Variants in LCA5 observed in about 807,000 individuals in gnomAD.
The protein encoded by LCA5 is lebercilin LCA5, also known as lebercilin.
LCA5 carries 37 observed loss-of-function variants against 53.0 expected under a neutral mutation model. That is an observed-to-expected ratio of 0.70 (90% CI 0.54 to 0.92). The LOEUF is 0.92. LCA5 is among the 40% of genes least tolerant of loss of function. The pLI, the probability that LCA5 is intolerant of heterozygous loss-of-function variation, is 0.00. For synonymous variants in LCA5, 303 were observed against 282.9 expected, an observed-to-expected ratio of 1.07 and a Z score of -0.71; for missense variants, 806 against 790.5, an observed-to-expected ratio of 1.02 and a Z score of -0.23.
intron 1 of LCA5, among the ~76,000 whole-genome samples, chr6:79,535,754 C>T (rs1279518720): frequency 6.6e-6 from 1 of 152,056 alleles, no homozygotes; most frequent in Non-Finnish European, 1.5e-5. Flanking sequence ...GTTAATAAAA[C>T]ACAAATAGTG....
intron 1 of LCA5, 36 bp from the exon 2 acceptor site, chr6:79,519,121 C>T (rs575917068): frequency 4.7e-5 from 27 of 571,160 alleles, no homozygotes; most frequent in Non-Finnish European, 8.1e-5. Flanking sequence ...ACTTATCATA[C>T]AGTCTCTACA....
chr6:79,520,173 T>C (rs76888531), intron 1 of LCA5, among the ~76,000 whole-genome samples: 1 of 152,156 alleles, frequency 6.6e-6, no homozygotes, highest in Non-Finnish European at 1.5e-5. Flanking sequence ...ACTTTTTTTT[T>C]AATGGAAGCA....
intron 1 of LCA5, among the ~76,000 whole-genome samples, chr6:79,521,089 T>A (rs1023304585): frequency 3.2e-4 from 48 of 152,142 alleles, no homozygotes; most frequent in African/African-American, 1.2e-3. Flanking sequence ...AATTTTTAAT[T>A]TTATTTAATT....
intron 3 of LCA5, among the ~76,000 whole-genome samples, chr6:79,495,057 G>A (rs1342436944): frequency 1.3e-5 from 2 of 152,204 alleles, no homozygotes; most frequent in Admixed American, 1.3e-4. Context: ...ACAGCAGGAG[G>A]TGAGTGGCAG....
rs999779335 is a variant in LCA5, at chr6:79,490,274, A to G, written c.1099-1058T>C. On this transcript the variant is annotated intron_variant, in intron 6 of 7. Coordinates refer to ENST00000369846, the MANE Select transcript of LCA5 (RefSeq NM_001122769.3). ...TCTAAAGAGCTTTATAAATGTCATG[A>G]TTATTTCCAATTTCATCTGACTAAA... 2.7e-5 allele frequency among the ~76,000 whole-genome samples: 4 copies of G among 150,876 alleles called. No individual in the cohort carries two copies. In the South Asian group the frequency reaches 8.4e-4, roughly 32 times the overall value.
chr6:79,538,321 C>G (rs939908799), upstream of LCA5, among the ~76,000 whole-genome samples: 1 of 152,094 alleles, frequency 6.6e-6, no homozygotes, highest in Non-Finnish European at 1.5e-5. Flanking sequence ...AATGAATCTT[C>G]TAACCATGAA....
intron 1 of LCA5, among the ~76,000 whole-genome samples, chr6:79,523,924 C>T (rs1321362581): frequency 6.6e-6 from 1 of 152,178 alleles, no homozygotes; most frequent in East Asian, 1.9e-4. Flanking sequence ...TACGCTATAT[C>T]TTAAGTTAGC....
Position 79,519,101 on chromosome 6 carries a change from G to T in LCA5, c.-191-16C>A. ...CTTTTTTGCCCTGAAATTAAGGAAG[G>T]GGAAAGGAGACTTATCATACAGTCT... On this transcript the variant is annotated splice_polypyrimidine_tract_variant and intron_variant, in intron 1 of 7. Transcript: ENST00000369846. The T allele has an allele frequency of 1.6e-6, 1 of 614,826 alleles. No individual in the cohort carries two copies. The highest frequency in any genetic ancestry group is 2.9e-6 in the Non-Finnish European group (1 of 347,822). 38.1% of individuals were successfully genotyped at this position (614,826 alleles called of 1,614,324 possible).
In LCA5 at chr6:79,486,839, G is replaced by T; in HGVS notation, c.*165C>A. ...CCTTCATTCTTGGCAAACTATCTAT[G>T]TGGTGTATGTATGATCTACTTCTTT... On this transcript the variant is annotated 3_prime_UTR_variant, in exon 8 of 8. Coordinates refer to ENST00000369846, the MANE Select transcript of LCA5 (RefSeq NM_001122769.3). 1 of 571,912 alleles carries T rather than the reference G, an allele frequency of 1.7e-6. No individual in the cohort carries two copies. Among genetic ancestry groups the T allele is most frequent in the Non-Finnish European group, 3.0e-6 (1 of 336,656 alleles). The allele number at this position is 571,912 out of a possible 1,614,324, so 35.4% of individuals were successfully genotyped here. A position where few individuals can be genotyped will look rare whatever the true frequency, so the allele number is the denominator to read the frequency against.
intron 2 of LCA5, among the ~76,000 whole-genome samples, chr6:79,517,604 A>G: frequency 6.6e-6 from 1 of 152,144 alleles, no homozygotes; most frequent in East Asian, 1.9e-4. Flanking sequence ...GTACTTACAA[A>G]AAAAGAAAAA....
intron 6 of LCA5, among the ~76,000 whole-genome samples, chr6:79,491,112 T>C (rs1004116880): frequency 6.6e-6 from 1 of 152,012 alleles, no homozygotes; most frequent in African/African-American, 2.4e-5. Flanking sequence ...TATTACTTGC[T>C]ACTAAAGATA....
intron 2 of LCA5, 51 bp downstream of exon 2, chr6:79,518,654 C>T (rs767124968): frequency 1.6e-5 from 24 of 1,524,346 alleles, no homozygotes; most frequent in Non-Finnish European, 1.5e-5. Flanking sequence ...TTTCCTTAAG[C>T]ACTCAAAATG....
At chr6:79,494,378 G>T (rs987775776) in intron 3 of LCA5, among the ~76,000 whole-genome samples, 1 of 151,980 alleles carries the variant, frequency 6.6e-6, no homozygotes, top group Non-Finnish European at 1.5e-5. Flanking sequence ...TCCATCCATG[G>T]TCTTCAAACA....
Position 79,487,763 on chromosome 6 carries a change from C to A in LCA5, c.1335G>T (p.Met445Ile). ...ATTTATCCATATTCTGAATTGGATA[C>A]ATTCCTAGTTGGTACCTTCCAGTTT... ...EWETGRYQLG[M>I]YPIQNMDKLQ... is the part of the protein sequence containing the mutation. The change falls in exon 8 of 8, where the codon ATG (methionine) becomes ATT (isoleucine). Residue 445 changes from methionine to isoleucine, a missense_variant. By Grantham distance (10) the Met-to-Ile change is conservative (BLOSUM62 1). Transcript: ENST00000369846. 6.2e-7 allele frequency: 1 copy of A among 1,613,640 alleles called. No individual in the cohort carries two copies. The highest frequency in any genetic ancestry group is 8.5e-7 in the Non-Finnish European group (1 of 1,179,634).
At chr6:79,504,954 A>T (rs1052570720) in intron 3 of LCA5, among the ~76,000 whole-genome samples, 2 of 152,322 alleles carry the variant, frequency 1.3e-5, no homozygotes, top group South Asian at 4.1e-4. Flanking sequence ...TGAAAAATGG[A>T]CATTAATATA....
Position 79,487,639 on chromosome 6 carries a change from G to A in LCA5, c.1459C>T (p.Pro487Ser). The part of the protein sequence containing the change: ...ELQDSRNLKY[P>S]VLPLLPDFES... ...AAATCAGGTAACAATGGCAAAACAG[G>A]GTATTTTAGATTTCGAGAATCTTGG... The change falls in exon 8 of 8, where the codon CCT (proline) becomes TCT (serine). Residue 487 changes from proline to serine, a missense_variant. Physicochemically the swap from Pro to Ser is moderately conservative, Grantham distance 74. Transcript: ENST00000369846. 6.2e-7 allele frequency: 1 copy of A among 1,613,864 alleles called. No homozygotes were observed. The highest frequency in any genetic ancestry group is 8.5e-7 in the Non-Finnish European group (1 of 1,179,872).
At chr6:79,513,109 C>G (rs762576823) in intron 3 of LCA5, 103 bp downstream of exon 3, 22 of 1,153,938 alleles carry the variant, frequency 1.9e-5, no homozygotes, top group Non-Finnish European at 2.8e-5. Context: ...GTTTTCATTT[C>G]CAAGCAAATA....
At chr6:79,522,509 C>T (rs1356139664) in intron 1 of LCA5, among the ~76,000 whole-genome samples, 2 of 151,766 alleles carry the variant, frequency 1.3e-5, no homozygotes, top group African/African-American at 4.8e-5. Context: ...GCAAACTCTA[C>T]AGGAAAAACT....
At chr6:79,527,959 T>G (rs1280869376) in intron 1 of LCA5, among the ~76,000 whole-genome samples, 1 of 152,160 alleles carries the variant, frequency 6.6e-6, no homozygotes, top group African/African-American at 2.4e-5. Context: ...AGGTAAAGAA[T>G]TTAAGGCAAA....
Sources: allele counts gnomAD v4.1 joint callset (sites outside exome capture counted in the v4.1 genomes callset), GRCh38; gene constraint gnomAD v4.1.1; transcripts MANE v1.5; gene names NCBI Gene and HGNC (gene_info 2026-07-23, HGNC 2026-07-21).